The following ASPH variants were observed in gnomAD, a reference collection of about 807,000 sequenced individuals.
ASPH encodes aspartate beta-hydroxylase.
A neutral mutation model predicts 118.4 loss-of-function variants in ASPH; 100 were observed. The observed-to-expected ratio is 0.84, with a 90% CI of 0.72 to 1.00. The LOEUF is 1.00. ASPH is among the 50% of genes least tolerant of loss of function. The probability of loss-of-function intolerance (pLI) is 0.00; values close to 1 mark genes in which losing one functional copy is unlikely to be tolerated. For synonymous variants in ASPH, 315 were observed against 325.6 expected (o/e 0.97, Z 0.35); for missense variants, 920 against 919.5 (o/e 1.00, Z -0.01).
intron 14 of ASPH, chr8:61,607,129 CCA>C: frequency 1.7e-6 from 1 of 582,646 alleles, no homozygotes; most frequent in Non-Finnish European, 3.0e-6. Context: ...TCAGAGCGCT[CCA>C]CAGAGCATAG....
intron 15 of ASPH, chr8:61,579,125 C>T: frequency 6.2e-7 from 1 of 1,611,250 alleles, no homozygotes; most frequent in South Asian, 1.1e-5. Context: ...ACCTGTGGCG[C>T]ACAAAGACTG....
intron 14 of ASPH, among the ~76,000 whole-genome samples, chr8:61,594,607 T>C (rs1374566695): frequency 6.6e-6 from 1 of 152,222 alleles, no homozygotes; most frequent in Non-Finnish European, 1.5e-5. Flanking sequence ...AATAGCTGAA[T>C]ACAATACAAT....
intron 14 of ASPH, among the ~76,000 whole-genome samples, chr8:61,617,169 T>TGAGATTA (rs1243269489): frequency 6.6e-6 from 1 of 152,088 alleles, no homozygotes; most frequent in Non-Finnish European, 1.5e-5. Flanking sequence ...TTTAAAGCCA[T>TGAGATTA]GAGATTAGAT....
chr8:61,704,859 A>C (rs1589335422), intron 1 of ASPH, among the ~76,000 whole-genome samples: 1 of 152,242 alleles, frequency 6.6e-6, no homozygotes, highest in East Asian at 1.9e-4. Flanking sequence ...CCAATTCCAC[A>C]CATGGTTAGT....
At chr8:61,627,479 G>A (rs1002492687) in intron 13 of ASPH, among the ~76,000 whole-genome samples, 2 of 152,134 alleles carry the variant, frequency 1.3e-5, no homozygotes, top group African/African-American at 4.8e-5. Flanking sequence ...AAAGCTTTAC[G>A]TCGTTTTATC....
rs1398275430 is a variant in ASPH, at chr8:61,684,023, A to G, written c.253+16T>C. ...TACTCTCTTACAAATTCACATAAGG[A>G]TATCAAAATTCTTACCTAGAACTTC... On this transcript the variant is annotated intron_variant, in intron 2 of 24. Coordinates refer to ENST00000379454, the MANE Select transcript of ASPH (RefSeq NM_004318.4). 2 of 1,612,246 alleles carry G rather than the reference A, an allele frequency of 1.2e-6. No individual in the cohort carries two copies. Among genetic ancestry groups the G allele is most frequent in the Non-Finnish European group, 8.5e-7 (1 of 1,178,790 alleles).
chr8:61,568,561 T>A (rs1312467871), intron 16 of ASPH, among the ~76,000 whole-genome samples: 1 of 152,144 alleles, frequency 6.6e-6, no homozygotes, highest in East Asian at 1.9e-4. Flanking sequence ...ATGGAGTTAC[T>A]GACCAGGAAG....
At chr8:61,691,986 C>T (rs1194350849) in intron 1 of ASPH, among the ~76,000 whole-genome samples, 2 of 152,306 alleles carry the variant, frequency 1.3e-5, no homozygotes, top group Non-Finnish European at 2.9e-5. Flanking sequence ...TACAGCTAAA[C>T]GTCAAACTGT....
intron 1 of ASPH, among the ~76,000 whole-genome samples, chr8:61,700,098 A>G (rs906816297): frequency 6.6e-6 from 1 of 152,234 alleles, no homozygotes; most frequent in African/African-American, 2.4e-5. Flanking sequence ...GGGATGAAGT[A>G]TTCTGCCAGG....
chr8:61,599,478 CA>C (rs201476150), intron 14 of ASPH, among the ~76,000 whole-genome samples: 36,765 of 96,654 alleles, frequency 0.38, 5,204 homozygotes, highest in African/African-American at 0.49. Context: ...TTAAAAAAGT[CA>C]AAAAAAAAAA....
At chr8:61,528,549 T>C (rs1276250777) in intron 21 of ASPH, among the ~76,000 whole-genome samples, 1 of 152,200 alleles carries the variant, frequency 6.6e-6, no homozygotes. Flanking sequence ...TTTAGAAGAT[T>C]CTTTTATTTC....
At chr8:61,590,547 ACT>A (rs1489180753) in intron 14 of ASPH, among the ~76,000 whole-genome samples, 2 of 88,960 alleles carry the variant, frequency 2.2e-5, no homozygotes, top group African/African-American at 9.7e-5. Context: ...CCTTAATTTA[ACT>A]CTGTGTGTGT....
Position 61,501,473 on chromosome 8 carries a change from C to T in ASPH, c.*1886G>A, listed in dbSNP as rs1804925453. On this transcript the variant is annotated 3_prime_UTR_variant, in exon 25 of 25. Coordinates refer to ENST00000379454, the MANE Select transcript of ASPH (RefSeq NM_004318.4). ...TCATTACATGAATGTAAGATGATGG[C>T]TCAAAAATGACGACTTATAGTTTGA... 4 of 152,008 alleles carry T rather than the reference C, an allele frequency of 2.6e-5. No individual in the cohort carries two copies. The South Asian group carries it at 8.3e-4, about 32-fold the overall frequency. The allele number at this position is 152,008 out of a possible 1,614,324, so 9.4% of individuals were successfully genotyped here. A position where few individuals can be genotyped will look rare whatever the true frequency, so the allele number is the denominator to read the frequency against.
chr8:61,644,036 C>T lies in ASPH; in HGVS notation c.653-35G>A, dbSNP rs376560334. 90 of 1,483,698 alleles carry T rather than the reference C, an allele frequency of 6.1e-5. No individual in the cohort carries two copies. In the Middle Eastern group the frequency reaches 6.9e-4, roughly 11 times the overall value. The allele number at this position is 1,483,698 out of a possible 1,614,324, so 91.9% of individuals were successfully genotyped here. A position where few individuals can be genotyped will look rare whatever the true frequency, so the allele number is the denominator to read the frequency against. On this transcript the variant is annotated intron_variant, in intron 7 of 24. Coordinates refer to ENST00000379454, the MANE Select transcript of ASPH (RefSeq NM_004318.4). The stretch of plus-strand genomic sequence containing the variant: ...ATGGAATAATTAGGAAATTACGTCT[C>T]AAATAAGGAATACATGTAATATTCG...
chr8:61,517,780 A>G (rs1811446577), intron 23 of ASPH, 119 bp from the exon 24 acceptor site: 3 of 1,333,596 alleles, frequency 2.2e-6, no homozygotes, highest in Non-Finnish European at 2.0e-6. Flanking sequence ...AAGATTTAAT[A>G]TTTATATTCA....
chr8:61,704,248 A>G (rs889989042), intron 1 of ASPH, among the ~76,000 whole-genome samples: 2 of 145,964 alleles, frequency 1.4e-5, no homozygotes, highest in Non-Finnish European at 3.0e-5. Flanking sequence ...GGGGCTCAGA[A>G]ACAGATTTAT....
intron 11 of ASPH, 66 bp from the exon 12 acceptor site, chr8:61,638,069 T>C (rs1185328532): frequency 6.9e-7 from 1 of 1,451,366 alleles, no homozygotes; most frequent in Non-Finnish European, 9.4e-7. Flanking sequence ...TTACATTCAC[T>C]CGCCTTCATT....
chr8:61,576,079 G>A lies in ASPH; in HGVS notation c.1149+693C>T, dbSNP rs547439063. Among the ~76,000 whole-genome samples the A allele has an allele frequency of 5.9e-5, 9 of 152,250 alleles. No homozygotes were observed. The South Asian group carries it at 1.0e-3, about 18-fold the overall frequency. On this transcript the variant is annotated intron_variant, in intron 16 of 24. Coordinates refer to ENST00000379454, the MANE Select transcript of ASPH (RefSeq NM_004318.4). ...CCATGTAGCCCTGTTTGGCATGCTGGGCCTCCTGTCTCTGTGAGCATAATA... is the reference window on the plus strand; with the variant it reads ...CCATGTAGCCCTGTTTGGCATGCTGAGCCTCCTGTCTCTGTGAGCATAATA...
At chr8:61,705,415 TTG>T (rs1368227300) in intron 1 of ASPH, among the ~76,000 whole-genome samples, 1 of 152,048 alleles carries the variant, frequency 6.6e-6, no homozygotes, top group Non-Finnish European at 1.5e-5. Context: ...TTAAAAAAAA[TTG>T]TGCTATAGTC....
Sources: gnomAD v4.1 joint callset for allele counts (sites outside exome capture counted in the v4.1 genomes callset) on GRCh38, gnomAD v4.1.1 for gene constraint, MANE v1.5 for transcripts, NCBI Gene and HGNC (gene_info 2026-07-23, HGNC 2026-07-21) for gene names.